Variants in FSTL5 observed in about 807,000 individuals in gnomAD.
FSTL5 encodes the protein follistatin-related protein 5.
In FSTL5, 62 loss-of-function variants were observed where a neutral mutation model predicts 89.1. That is an observed-to-expected ratio of 0.70 (90% CI 0.57 to 0.86). The LOEUF is 0.86. Ranked by LOEUF, FSTL5 falls within the 40% of genes least tolerant of loss-of-function variation. FSTL5 has a pLI of 0.00. For missense variants in FSTL5, 1,057 were observed against 1,001.6 expected, an observed-to-expected ratio of 1.06 and a Z score of -0.75; for synonymous variants, 383 against 346.2, an observed-to-expected ratio of 1.11 and a Z score of -1.18.
chr4:161,627,890 A>G (rs1383731577), intron 7 of FSTL5, among the ~76,000 whole-genome samples: 3 of 152,164 alleles, frequency 2.0e-5, no homozygotes, highest in Non-Finnish European at 4.4e-5. Context: ...TCATACAGAC[A>G]CAGACTTTGG....
chr4:162,158,565 C>A (rs540928595), intron 1 of FSTL5, among the ~76,000 whole-genome samples: 1 of 152,056 alleles, frequency 6.6e-6, no homozygotes, highest in Non-Finnish European at 1.5e-5. Context: ...AGTTACTGGA[C>A]TTTTGACCTA....
At chr4:161,916,117 T>C (rs1181626581) in intron 4 of FSTL5, among the ~76,000 whole-genome samples, 4 of 152,148 alleles carry the variant, frequency 2.6e-5, no homozygotes, top group African/African-American at 9.7e-5. Context: ...AATGTCAGAT[T>C]TCATGCTAAC....
intron 15 of FSTL5, among the ~76,000 whole-genome samples, chr4:161,448,411 C>G (rs920673467): frequency 6.6e-6 from 1 of 152,108 alleles, no homozygotes; most frequent in Non-Finnish European, 1.5e-5. Context: ...GTCCATGAAT[C>G]AAGTCATAAG....
At chr4:161,563,881 G>A (rs1005153046) in intron 8 of FSTL5, among the ~76,000 whole-genome samples, 4 of 151,806 alleles carry the variant, frequency 2.6e-5, no homozygotes, top group African/African-American at 4.8e-5. Flanking sequence ...AAGTAGTAGC[G>A]CCTTACTACA....
intron 4 of FSTL5, among the ~76,000 whole-genome samples, chr4:161,906,226 T>C (rs529523657): frequency 1.3e-4 from 20 of 152,220 alleles, no homozygotes; most frequent in Admixed American, 1.2e-3. Flanking sequence ...ATAATAACCA[T>C]ACTTTCTTTC....
chr4:161,846,081 ATTTGTGTGTGTG>A (rs1432438636), intron 4 of FSTL5, among the ~76,000 whole-genome samples: 3 of 151,262 alleles, frequency 2.0e-5, no homozygotes, highest in Non-Finnish European at 2.9e-5. Flanking sequence ...TTGTGTGTGT[ATTTGTGTGTGTG>A]TTTGTGTGTG....
chr4:161,726,560 C>G (rs1739425861), intron 6 of FSTL5, among the ~76,000 whole-genome samples: 2 of 151,872 alleles, frequency 1.3e-5, no homozygotes, highest in Admixed American at 6.6e-5. Flanking sequence ...AAACCTAGTT[C>G]TGAAAAAAGA....
At chr4:161,965,504 A>G (rs983503337) in intron 3 of FSTL5, among the ~76,000 whole-genome samples, 2 of 152,144 alleles carry the variant, frequency 1.3e-5, no homozygotes, top group Non-Finnish European at 2.9e-5. Context: ...TTAGTAAACT[A>G]TGTGGTGGCA....
intron 4 of FSTL5, among the ~76,000 whole-genome samples, chr4:161,813,602 G>C (rs1730233028): frequency 6.6e-6 from 1 of 152,126 alleles, no homozygotes. Context: ...GCATTCTGTG[G>C]GCTGTGTACT....
rs569331014 is a variant in FSTL5, at chr4:161,391,864, A to G, written c.1842-5415T>C. 6.8e-4 allele frequency among the ~76,000 whole-genome samples: 104 copies of G among 152,362 alleles called. 1 individual carries two copies. The South Asian group carries it at 8.3e-3, about 12-fold the overall frequency. On this transcript the variant is annotated intron_variant, in intron 15 of 15. Transcript: ENST00000306100. ...CTTTGAAGTTTTCTGTTTCCAAAGC[A>G]TAGGTTAAAGAAGCTAAAATAAACC... is the stretch of plus-strand genomic sequence containing the variant.
intron 8 of FSTL5, among the ~76,000 whole-genome samples, chr4:161,563,522 C>T (rs775293740): frequency 6.6e-6 from 1 of 151,954 alleles, no homozygotes; most frequent in Non-Finnish European, 1.5e-5. Context: ...TCATGTCAGC[C>T]TCCATTTTTG....
intron 6 of FSTL5, among the ~76,000 whole-genome samples, chr4:161,656,758 G>A (rs1481162526): frequency 6.6e-6 from 1 of 152,182 alleles, no homozygotes; most frequent in African/African-American, 2.4e-5. Context: ...AAGCCTGGCA[G>A]ATTGCACCCA....
chr4:162,043,711 G>T (rs1360535556), intron 2 of FSTL5, among the ~76,000 whole-genome samples: 3 of 152,114 alleles, frequency 2.0e-5, no homozygotes, highest in Non-Finnish European at 4.4e-5. Context: ...TTCTCTCAAA[G>T]CCTGCCACTG....
chr4:161,878,673 A>T (rs1440590), intron 4 of FSTL5, among the ~76,000 whole-genome samples: 1 of 151,706 alleles, frequency 6.6e-6, no homozygotes, highest in Admixed American at 6.6e-5. Flanking sequence ...TTGTAAAATA[A>T]AATAGAATAT....
intron 4 of FSTL5, among the ~76,000 whole-genome samples, chr4:161,879,955 A>G (rs1474863293): frequency 1.3e-5 from 2 of 152,160 alleles, no homozygotes; most frequent in Non-Finnish European, 1.5e-5. Flanking sequence ...TCTGATGTTA[A>G]TCTCTTAAAT....
rs1012692119 is a variant in FSTL5, at chr4:161,611,231, C to T, written c.895-23656G>A. 4.5e-3 allele frequency among the ~76,000 whole-genome samples: 584 copies of T among 128,436 alleles called. 1 individual carries two copies. The highest frequency in any genetic ancestry group is 5.9e-3 in the Non-Finnish European group (363 of 61,620). 84.3% of individuals were successfully genotyped at this position (128,436 alleles called of 152,430 possible). ...ATGTGTATATGTGTGTATGTGTATA[C>T]ATATATATATATATATATATATATA... On this transcript the variant is annotated intron_variant, in intron 7 of 15. Coordinates refer to ENST00000306100, the MANE Select transcript of FSTL5 (RefSeq NM_020116.5).
In FSTL5 at chr4:161,629,126, C is replaced by T. The variant is rs189318892; in HGVS notation, c.894+27202G>A. ...GAAGAGCAGTGATTTTCATGGTACA[C>T]ACAGGCAGCAGAACCCTGTGGCTGT... On this transcript the variant is annotated intron_variant, in intron 7 of 15. Coordinates refer to ENST00000306100, the MANE Select transcript of FSTL5 (RefSeq NM_020116.5). Among the ~76,000 whole-genome samples, 181 of 152,224 alleles carry T rather than the reference C, an allele frequency of 1.2e-3. 2 individuals carry two copies. The East Asian group carries it at 0.029, about 24-fold the overall frequency.
At chr4:161,748,250 C>A (rs368801379) in intron 6 of FSTL5, among the ~76,000 whole-genome samples, 14 of 152,108 alleles carry the variant, frequency 9.2e-5, no homozygotes, top group East Asian at 5.8e-4. Flanking sequence ...TTTGAAATGC[C>A]TATAAAAGAA....
intron 3 of FSTL5, among the ~76,000 whole-genome samples, chr4:161,995,742 T>A (rs1199295831): frequency 6.6e-6 from 1 of 151,854 alleles, no homozygotes; most frequent in African/African-American, 2.4e-5. Context: ...AACATTTCCC[T>A]AAAGTGTCTA....
Sources: allele counts gnomAD v4.1 joint callset (sites outside exome capture counted in the v4.1 genomes callset), GRCh38; gene constraint gnomAD v4.1.1; transcripts MANE v1.5; gene names NCBI Gene and HGNC (gene_info 2026-07-23, HGNC 2026-07-21).